HK2: variants seen among roughly 807,000 people sequenced by gnomAD.
HK2 encodes hexokinase 2.
Under a neutral mutation model 92.9 loss-of-function variants are expected in HK2, and 42 were observed. The observed-to-expected ratio is 0.45, with a 90% CI of 0.35 to 0.58. The LOEUF (loss-of-function observed/expected upper bound fraction) is 0.58, where lower values mean the gene tolerates loss of function less well. Ranked by LOEUF, HK2 falls within the 20% of genes least tolerant of loss-of-function variation. HK2 has a pLI of 0.00. For missense variants in HK2, 978 were observed against 1,245.1 expected, an observed-to-expected ratio of 0.79 and a Z score of 3.23; for synonymous variants, 422 against 468.0, an observed-to-expected ratio of 0.90 and a Z score of 1.27.
At chr2:74,878,413 C>CTGTGTG (rs56015017) in intron 8 of HK2, among the ~76,000 whole-genome samples, 1 of 149,816 alleles carries the variant, frequency 6.7e-6, no homozygotes, top group African/African-American at 2.5e-5. Context: ...CCGTGTGTCT[C>CTGTGTG]TGTGTGTGTG....
intron 3 of HK2, among the ~76,000 whole-genome samples, chr2:74,868,162 G>A (rs184446321): frequency 6.1e-4 from 93 of 152,282 alleles, no homozygotes; most frequent in African/African-American, 2.1e-3. Flanking sequence ...AGTAGAACAC[G>A]CTGGGGAGAT....
At chr2:74,863,639 G>A (rs3755451) in intron 2 of HK2, among the ~76,000 whole-genome samples, 6,756 of 152,172 alleles carry the variant, frequency 0.044, 227 homozygotes, top group East Asian at 0.19. Flanking sequence ...TTCGGTCCTC[G>A]TTTCATTTGG....
intron 17 of HK2, 121 bp from the exon 18 acceptor site, chr2:74,890,676 C>T (rs548846851): frequency 2.6e-4 from 291 of 1,119,418 alleles, no homozygotes; most frequent in South Asian, 1.7e-3. Context: ...TGTCATCCTT[C>T]TCCTCTTCTT....
intron 3 of HK2, among the ~76,000 whole-genome samples, chr2:74,868,559 C>T (rs1689017272): frequency 2.0e-5 from 3 of 152,096 alleles, no homozygotes; most frequent in South Asian, 4.1e-4. Flanking sequence ...TAATCTAGTA[C>T]TCTTCGTGTT....
intron 2 of HK2, among the ~76,000 whole-genome samples, chr2:74,864,334 C>T (rs1350150419): frequency 2.0e-5 from 3 of 152,174 alleles, no homozygotes; most frequent in African/African-American, 7.2e-5. Flanking sequence ...TTTTTTGGCA[C>T]CCACAAATTA....
intron 1 of HK2, among the ~76,000 whole-genome samples, chr2:74,852,807 A>C (rs1192159987): frequency 2.0e-5 from 3 of 152,220 alleles, no homozygotes; most frequent in Non-Finnish European, 4.4e-5. Context: ...TGAAAGAACT[A>C]GGGAGAGTTG....
In HK2 at chr2:74,867,740, A is replaced by G. The variant is rs528387932; in HGVS notation, c.331A>G (p.Ile111Val). 5 of 1,614,140 alleles carry G rather than the reference A, an allele frequency of 3.1e-6. No homozygotes were observed. The highest frequency in any genetic ancestry group is 4.5e-5 in the East Asian group (2 of 44,884). ...CCAGAAGGTGGAGATGGAGAATCAG[A>G]TCTATGCCATCCCTGAGGACATCAT... ...GLQKVEMENQ[I>V]YAIPEDIMRG... Residue 111 changes from isoleucine (I) to valine (V), a missense_variant, in exon 3 of 18, where the codon ATC becomes GTC. Physicochemically the swap from Ile to Val is conservative, Grantham distance 29. Coordinates refer to ENST00000290573, the MANE Select transcript of HK2 (RefSeq NM_000189.5).
At chr2:74,843,367 GAAC>G (rs1456524335) in intron 1 of HK2, among the ~76,000 whole-genome samples, 1 of 152,138 alleles carries the variant, frequency 6.6e-6, no homozygotes, top group African/African-American at 2.4e-5. Flanking sequence ...CCCACCTCTT[GAAC>G]AGCCGTTGCC....
At chr2:74,883,378 G>A (rs1647359603) in intron 12 of HK2, among the ~76,000 whole-genome samples, 1 of 152,220 alleles carries the variant, frequency 6.6e-6, no homozygotes, top group Admixed American at 6.5e-5. Flanking sequence ...ATACCTGGGG[G>A]ATGTCAGGAG....
Position 74,890,907 on chromosome 2 carries a change from T to C in HK2, c.2720T>C (p.Val907Ala), listed in dbSNP as rs747531559. ...SGKGAALITA[V>A]ACRIREAGQR The stretch of plus-strand genomic sequence containing the variant: ...AAGGGGGCGGCGCTCATCACTGCTG[T>C]GGCCTGCCGCATCCGTGAGGCTGGA... Residue 907 changes from valine to alanine, a missense_variant, in exon 18 of 18, where the codon GTG (valine) becomes GCG (alanine). Coordinates refer to ENST00000290573, the MANE Select transcript of HK2 (RefSeq NM_000189.5). The C allele has an allele frequency of 6.2e-7, 1 of 1,614,238 alleles. No homozygotes were observed. The highest frequency in any genetic ancestry group is 8.5e-7 in the Non-Finnish European group (1 of 1,180,048).
At position 74,885,499 on chromosome 2, in the gene HK2, C is replaced by T; in HGVS notation, c.1845C>T (p.Ile615=). ...TGCTTGTGTGTGATTTTTAGAGCAT[C>T]CTCCTCAAGTGGACAAAAGGCTTCA... ...PCQQNSLDES[I]LLKWTKGFKA... Residue 615 remains isoleucine (I), a synonymous_variant, in exon 13 of 18, where the codon ATC becomes ATT. Transcript: ENST00000290573. The T allele has an allele frequency of 6.2e-7, 1 of 1,612,322 alleles. No individual in the cohort carries two copies. Among genetic ancestry groups the T allele is most frequent in the African/African-American group, 1.3e-5 (1 of 74,968 alleles).
At chr2:74,840,523 G>C (rs1193096077) in intron 1 of HK2, among the ~76,000 whole-genome samples, 2 of 151,806 alleles carry the variant, frequency 1.3e-5, no homozygotes, top group African/African-American at 2.4e-5. Context: ...AAGTCAGCAG[G>C]TTTGGTTTGT....
chr2:74,867,915 C>T (rs1311700870), intron 3 of HK2, 131 bp downstream of exon 3: 2 of 1,011,492 alleles, frequency 2.0e-6, no homozygotes, highest in Admixed American at 1.7e-5. Context: ...GCCAGCACAG[C>T]TGTAAGGGCT....
chr2:74,849,599 G>A (rs752253319), intron 1 of HK2, among the ~76,000 whole-genome samples: 18 of 152,204 alleles, frequency 1.2e-4, no homozygotes, highest in Non-Finnish European at 1.9e-4. Context: ...GAATAGTTTG[G>A]GGAAACAGCC....
At chr2:74,874,094 C>G (rs1689165594) in intron 6 of HK2, 151 bp downstream of exon 6, 2 of 981,104 alleles carry the variant, frequency 2.0e-6, no homozygotes, top group East Asian at 5.1e-5. Context: ...AGCAGGGACT[C>G]ATGGAGTTGG....
rs1383604852 is a variant in HK2, at chr2:74,892,687, CTG to C, written c.*1747_*1748del. On this transcript the variant is annotated 3_prime_UTR_variant, in exon 18 of 18. Coordinates refer to ENST00000290573, the MANE Select transcript of HK2 (RefSeq NM_000189.5). ...AAAGAAACTCACGATGAAATTGAAC[CTG>C]GTTTTTGTATATTTATCAAACTTGT... is the stretch of plus-strand genomic sequence containing the variant. 1.3e-5 allele frequency: 2 copies of C among 152,210 alleles called. No homozygotes were observed. Among genetic ancestry groups the C allele is most frequent in the African/African-American group, 4.8e-5 (2 of 41,444 alleles). 9.4% of individuals were successfully genotyped at this position (152,210 alleles called of 1,614,324 possible). A position where few individuals can be genotyped will look rare whatever the true frequency, so the allele number is the denominator to read the frequency against.
chr2:74,846,541 G>A (rs970412677), intron 1 of HK2, among the ~76,000 whole-genome samples: 4 of 152,202 alleles, frequency 2.6e-5, no homozygotes, highest in African/African-American at 9.6e-5. Flanking sequence ...GATGCCATTT[G>A]TGTCTGGCAT....
At chr2:74,835,008 G>A (rs1688120286) in intron 1 of HK2, among the ~76,000 whole-genome samples, 3 of 152,218 alleles carry the variant, frequency 2.0e-5, no homozygotes, top group Non-Finnish European at 4.4e-5. Context: ...TGCAGCGCGA[G>A]TTCCGGCGAG....
chr2:74,866,891 G>C (rs956675766), intron 2 of HK2, among the ~76,000 whole-genome samples: 1 of 152,164 alleles, frequency 6.6e-6, no homozygotes, highest in African/African-American at 2.4e-5. Context: ...CTCTGGTCTT[G>C]CTGCAGGACA....
Sources: gnomAD v4.1 joint callset for allele counts (sites outside exome capture counted in the v4.1 genomes callset) on GRCh38, gnomAD v4.1.1 for gene constraint, MANE v1.5 for transcripts, NCBI Gene and HGNC (gene_info 2026-07-23, HGNC 2026-07-21) for gene names.